PTPRN2: variants seen among roughly 807,000 people sequenced by gnomAD.
PTPRN2 encodes protein tyrosine phosphatase receptor type N2, also known as receptor-type tyrosine-protein phosphatase N2.
PTPRN2 carries 74 observed loss-of-function variants against 118.8 expected under a neutral mutation model. The observed-to-expected ratio is 0.62, with a 90% CI of 0.52 to 0.76. PTPRN2 has a LOEUF of 0.76. PTPRN2 is among the 30% of genes least tolerant of loss of function. PTPRN2 has a pLI of 0.00. For missense variants in PTPRN2, 1,481 were observed against 1,394.4 expected, an observed-to-expected ratio of 1.06 and a Z score of -0.99; for synonymous variants, 641 against 608.0, an observed-to-expected ratio of 1.05 and a Z score of -0.80.
At chr7:157,666,583 C>T (rs960754919) in intron 13 of PTPRN2, among the ~76,000 whole-genome samples, 6 of 152,056 alleles carry the variant, frequency 3.9e-5, no homozygotes, top group African/African-American at 7.2e-5. Context: ...GAGATCTGCA[C>T]GGTGTGGCCG....
chr7:157,888,319 G>A (rs1796603716), intron 12 of PTPRN2, among the ~76,000 whole-genome samples: 1 of 152,124 alleles, frequency 6.6e-6, no homozygotes, highest in Non-Finnish European at 1.5e-5. Flanking sequence ...AAGGAACCCC[G>A]TGAACTCTGA....
intron 2 of PTPRN2, among the ~76,000 whole-genome samples, chr7:158,437,376 C>T (rs1377266526): frequency 6.6e-6 from 1 of 152,232 alleles, no homozygotes; most frequent in Non-Finnish European, 1.5e-5. Context: ...TAAAATTTGA[C>T]TGCAACAAGT....
chr7:158,367,441 G>A (rs868298326), intron 2 of PTPRN2, among the ~76,000 whole-genome samples: 31 of 152,270 alleles, frequency 2.0e-4, no homozygotes, highest in African/African-American at 6.5e-4. Context: ...GAAAGGCCAC[G>A]GCCATCATGG....
At chr7:158,070,883 GGTGGAGGTGCCCATGGTA>G (rs1368017201) in intron 11 of PTPRN2, among the ~76,000 whole-genome samples, 28 of 131,740 alleles carry the variant, frequency 2.1e-4, no homozygotes, top group South Asian at 2.6e-4. Flanking sequence ...TGCCCATGGT[GGTGGAGGTGCCCATGGTA>G]GTGGAGGTGC....
In PTPRN2 at chr7:157,718,787, C is replaced by T. The variant is rs927878685; in HGVS notation, c.1789-35850G>A. 9.3e-5 allele frequency among the ~76,000 whole-genome samples: 14 copies of T among 151,172 alleles called. No individual in the cohort carries two copies. In the East Asian group the frequency reaches 1.6e-3, roughly 17 times the overall value. ...GTGAGTCTCAGCACGTCCAGGCGTC[C>T]GCGGTGACACTGCAGCCACTCTTGG... On this transcript the variant is annotated intron_variant, in intron 12 of 22. Transcript: ENST00000389418.
At chr7:158,147,487 T>C (rs1820242438) in intron 6 of PTPRN2, among the ~76,000 whole-genome samples, 2 of 95,850 alleles carry the variant, frequency 2.1e-5, no homozygotes, top group African/African-American at 4.9e-5. Context: ...TCCCCCTCAC[T>C]GACACCCCAT....
intron 10 of PTPRN2, among the ~76,000 whole-genome samples, chr7:158,090,760 G>A (rs1814050633): frequency 6.6e-6 from 1 of 151,916 alleles, no homozygotes; most frequent in Non-Finnish European, 1.5e-5. Flanking sequence ...TCTTAACTGA[G>A]GACTATTTGG....
At chr7:158,332,410 CA>C (rs1804668680) in intron 2 of PTPRN2, among the ~76,000 whole-genome samples, 1 of 129,238 alleles carries the variant, frequency 7.7e-6, no homozygotes, top group African/African-American at 2.7e-5. Context: ...CCCATACTCT[CA>C]ACATAAGAGC....
rs994650096 is a variant in PTPRN2 at position 157,609,074 on chromosome 7, G to A, written c.2345-4999C>T. On this transcript the variant is annotated intron_variant, in intron 15 of 22. Coordinates refer to ENST00000389418, the MANE Select transcript of PTPRN2 (RefSeq NM_002847.5). The surrounding 1 kb of genome is among the most constrained non-coding windows in gnomAD (Gnocchi z 4.9). ...TGACCCTTTACTGTGTTTATCATGC[G>A]TTAGTGCCTTGTTCAACAATATTTC... Among the ~76,000 whole-genome samples, 3 of 152,094 alleles carry A rather than the reference G, an allele frequency of 2.0e-5. No homozygotes were observed. Among genetic ancestry groups the A allele is most frequent in the African/African-American group, 4.8e-5 (2 of 41,426 alleles).
chr7:157,815,803 C>A (rs1806360424), intron 12 of PTPRN2, among the ~76,000 whole-genome samples: 1 of 152,208 alleles, frequency 6.6e-6, no homozygotes, highest in South Asian at 2.1e-4. Flanking sequence ...AGCACACATG[C>A]ATGCCACAAA....
intron 3 of PTPRN2, among the ~76,000 whole-genome samples, chr7:158,248,659 C>T (rs550269806): frequency 3.3e-5 from 5 of 149,826 alleles, no homozygotes; most frequent in African/African-American, 1.2e-4. Context: ...ACATCACACC[C>T]ACACAGCACA....
rs35071475 is a variant in PTPRN2, at chr7:157,583,883, A to AACACAC, written c.2497-5749_2497-5744dup. ...GGTGACAGAGCGAGACTCTGTCTCA[A>AACACAC]ACACACACACACACACACACACACA... is the stretch of plus-strand genomic sequence containing the variant. On this transcript the variant is annotated intron_variant, in intron 17 of 22. Coordinates refer to ENST00000389418, the MANE Select transcript of PTPRN2 (RefSeq NM_002847.5). This position sits in a 1 kb window ranked among gnomAD's most constrained non-coding sequence, Gnocchi z 5.5. Among the ~76,000 whole-genome samples, 284 of 134,254 alleles carry AACACAC rather than the reference A, an allele frequency of 2.1e-3. 1 individual carries two copies. The highest frequency in any genetic ancestry group is 4.7e-3 in the East Asian group (20 of 4,252). The allele number at this position is 134,254 out of a possible 152,430, so 88.1% of individuals were successfully genotyped here. A position where few individuals can be genotyped will look rare whatever the true frequency, so the allele number is the denominator to read the frequency against.
intron 2 of PTPRN2, among the ~76,000 whole-genome samples, chr7:158,471,131 C>G (rs1819821018): frequency 6.6e-6 from 1 of 152,166 alleles, no homozygotes; most frequent in Non-Finnish European, 1.5e-5. Flanking sequence ...TCACAGTGCT[C>G]TTTTAATTGG....
intron 3 of PTPRN2, among the ~76,000 whole-genome samples, chr7:158,239,503 G>T (rs1370481808): frequency 1.3e-5 from 2 of 152,134 alleles, no homozygotes; most frequent in Non-Finnish European, 2.9e-5. Context: ...GGTTCCAGAG[G>T]GTGTGCAGTC....
In PTPRN2 at chr7:157,810,214, C is replaced by T. The variant is rs1362856759; in HGVS notation, c.1788+88459G>A. 2.0e-5 allele frequency among the ~76,000 whole-genome samples: 3 copies of T among 152,262 alleles called. 1 individual carries two copies. The highest frequency in any genetic ancestry group is 4.8e-5 in the African/African-American group (2 of 41,458). On this transcript the variant is annotated intron_variant, in intron 12 of 22. Coordinates refer to ENST00000389418, the MANE Select transcript of PTPRN2 (RefSeq NM_002847.5). ...CCAACCGTTGTTGTTTAAGCAAAGG[C>T]TGCGGACAGTGAGCACAGAACTTCA...
intron 1 of PTPRN2, among the ~76,000 whole-genome samples, chr7:158,502,963 G>A (rs1400598395): frequency 2.4e-5 from 3 of 125,996 alleles, no homozygotes; most frequent in African/African-American, 6.3e-5. Flanking sequence ...CAACTACTGT[G>A]TCCATCAGCC....
intron 2 of PTPRN2, among the ~76,000 whole-genome samples, chr7:158,482,265 T>G (rs907877420): frequency 6.6e-6 from 1 of 152,218 alleles, no homozygotes; most frequent in African/African-American, 2.4e-5. Flanking sequence ...AAGGATTGAC[T>G]CTTAATTTTG....
At chr7:158,217,291 C>A (rs1191418414) in intron 3 of PTPRN2, among the ~76,000 whole-genome samples, 3 of 152,176 alleles carry the variant, frequency 2.0e-5, no homozygotes. Flanking sequence ...GAGGACAAAG[C>A]CACAGGCCTG....
chr7:157,702,041 CCGGT>C (rs1179931011), intron 12 of PTPRN2, among the ~76,000 whole-genome samples: 2 of 149,810 alleles, frequency 1.3e-5, no homozygotes, highest in African/African-American at 5.0e-5. Flanking sequence ...ATAAGAAAGC[CCGGT>C]CGGTGCTGGT....
Sources: gnomAD v4.1 joint callset for allele counts (sites outside exome capture counted in the v4.1 genomes callset) on GRCh38, gnomAD v4.1.1 for gene constraint, Gnocchi (gnomAD v3.1) non-coding constraint, MANE v1.5 for transcripts, NCBI Gene and HGNC (gene_info 2026-07-23, HGNC 2026-07-21) for gene names.